ATG10: variants seen among roughly 807,000 people sequenced by gnomAD.
ATG10 encodes autophagy related 10.
Under a neutral mutation model 32.1 loss-of-function variants are expected in ATG10, and 30 were observed. The observed-to-expected ratio is 0.94, with a 90% CI of 0.70 to 1.27. The LOEUF (loss-of-function observed/expected upper bound fraction) is 1.27, where lower values mean the gene tolerates loss of function less well. Among genes scored for constraint, ATG10 ranks in the 50% most tolerant of loss-of-function variants. The pLI, the probability that ATG10 is intolerant of heterozygous loss-of-function variation, is 0.00. For synonymous variants in ATG10, 87 were observed against 91.5 expected (o/e 0.95, Z 0.28); for missense variants, 233 against 262.3 (o/e 0.89, Z 0.77).
chr5:82,085,551 A>T (rs1186190190), intron 3 of ATG10, among the ~76,000 whole-genome samples: 2 of 151,762 alleles, frequency 1.3e-5, no homozygotes, highest in African/African-American at 4.8e-5. Context: ...TGACAACATA[A>T]CGGGTGCAGC....
At chr5:81,984,298 G>A (rs1416030291) in intron 1 of ATG10, among the ~76,000 whole-genome samples, 5 of 152,250 alleles carry the variant, frequency 3.3e-5, no homozygotes, top group Non-Finnish European at 5.9e-5. Context: ...CTGGCGGCGC[G>A]CGCCTGCAAT....
intron 5 of ATG10, among the ~76,000 whole-genome samples, chr5:82,193,568 T>C (rs973955803): frequency 6.6e-6 from 1 of 152,164 alleles, no homozygotes; most frequent in Non-Finnish European, 1.5e-5. Context: ...TGGTAATCCA[T>C]GTAGAGGTTT....
chr5:82,067,513 TTAGA>T (rs1276813593), intron 3 of ATG10, among the ~76,000 whole-genome samples: 1 of 152,152 alleles, frequency 6.6e-6, no homozygotes, highest in Admixed American at 6.6e-5. Flanking sequence ...GCCAGGAGTC[TTAGA>T]TAGAGGCAGG....
chr5:82,099,685 A>G (rs1308879200), intron 3 of ATG10, among the ~76,000 whole-genome samples: 2 of 152,192 alleles, frequency 1.3e-5, no homozygotes, highest in African/African-American at 4.8e-5. Flanking sequence ...AATTTAGCAT[A>G]GTATTACACT....
intron 5 of ATG10, among the ~76,000 whole-genome samples, chr5:82,199,936 G>T (rs919576626): frequency 6.6e-6 from 1 of 152,050 alleles, no homozygotes; most frequent in Admixed American, 6.6e-5. Context: ...TATATTTGAG[G>T]TTCATTTATG....
intron 3 of ATG10, among the ~76,000 whole-genome samples, chr5:82,112,521 ATT>A (rs1434294290): frequency 6.6e-6 from 1 of 151,798 alleles, no homozygotes; most frequent in Non-Finnish European, 1.5e-5. Flanking sequence ...TCAAAATTCT[ATT>A]TGTTAATTTT....
At chr5:82,068,614 T>C (rs1366230948) in intron 3 of ATG10, among the ~76,000 whole-genome samples, 1 of 150,460 alleles carries the variant, frequency 6.6e-6, no homozygotes, top group Non-Finnish European at 1.5e-5. Context: ...TTTCAAACTT[T>C]AGGTGGCTCT....
chr5:82,090,545 T>G (rs1764847476), intron 3 of ATG10, among the ~76,000 whole-genome samples: 2 of 152,222 alleles, frequency 1.3e-5, no homozygotes, highest in African/African-American at 4.8e-5. Flanking sequence ...TATAACATTT[T>G]TAACATTATA....
At chr5:82,155,261 C>G (rs1353977176) in intron 3 of ATG10, among the ~76,000 whole-genome samples, 1 of 151,930 alleles carries the variant, frequency 6.6e-6, no homozygotes, top group South Asian at 2.1e-4. Context: ...TTTCTTAGAC[C>G]CTTGGAAATG....
At chr5:82,085,166 A>G (rs997251559) in intron 3 of ATG10, among the ~76,000 whole-genome samples, 4 of 152,114 alleles carry the variant, frequency 2.6e-5, no homozygotes, top group Non-Finnish European at 4.4e-5. Context: ...AACAAAAAAA[A>G]GCAGGGGTTG....
intron 2 of ATG10, among the ~76,000 whole-genome samples, chr5:82,054,816 C>G (rs976890566): frequency 2.0e-5 from 3 of 152,084 alleles, no homozygotes; most frequent in African/African-American, 7.2e-5. Context: ...GGATGGAGGC[C>G]TAGGCCCTGA....
intron 3 of ATG10, among the ~76,000 whole-genome samples, chr5:82,161,696 A>ACACACAC (rs1743351306): frequency 1.3e-4 from 17 of 129,726 alleles, no homozygotes; most frequent in African/African-American, 4.9e-4. Context: ...TTAGAGAATA[A>ACACACAC]ACACACACAC....
At chr5:82,155,305 A>G (rs1767760050) in intron 3 of ATG10, among the ~76,000 whole-genome samples, 1 of 152,226 alleles carries the variant, frequency 6.6e-6, no homozygotes, top group African/African-American at 2.4e-5. Flanking sequence ...AAAAAATGGA[A>G]AGGGGAAAGA....
rs183699570 is a variant in ATG10 at position 81,997,363 on chromosome 5, C to T, written c.108+9685C>T. The stretch of plus-strand genomic sequence containing the variant: ...TACCCAACCCCTCAGAATTAGAGCA[C>T]ACAGCTCAGGAGGGCTGAGGTGAGC... On this transcript the variant is annotated intron_variant, in intron 2 of 7. Coordinates refer to ENST00000282185, the MANE Select transcript of ATG10 (RefSeq NM_031482.5). 1.6e-3 allele frequency among the ~76,000 whole-genome samples: 238 copies of T among 152,278 alleles called. 1 individual carries two copies. Among genetic ancestry groups the T allele is most frequent in the African/African-American group, 5.3e-3 (222 of 41,562 alleles).
At chr5:82,079,473 C>T (rs1324137134) in intron 3 of ATG10, among the ~76,000 whole-genome samples, 8 of 151,928 alleles carry the variant, frequency 5.3e-5, no homozygotes, top group Admixed American at 5.2e-4. Flanking sequence ...CCCATTAACT[C>T]ATCATTTACA....
chr5:82,074,398 T>C (rs1025824297), intron 3 of ATG10, among the ~76,000 whole-genome samples: 1 of 152,156 alleles, frequency 6.6e-6, no homozygotes, highest in African/African-American at 2.4e-5. Context: ...TATGTTATAG[T>C]TTTTACAACT....
intron 1 of ATG10, among the ~76,000 whole-genome samples, chr5:81,976,662 C>T (rs1477915222): frequency 6.6e-6 from 1 of 152,138 alleles, no homozygotes; most frequent in East Asian, 1.9e-4. Context: ...CTTCAAAAGC[C>T]TTCTAACTGT....
At chr5:82,065,292 G>A (rs1763907109) in intron 3 of ATG10, among the ~76,000 whole-genome samples, 1 of 152,068 alleles carries the variant, frequency 6.6e-6, no homozygotes, top group African/African-American at 2.4e-5. Flanking sequence ...TTTGAGACCA[G>A]CCTGGCCAAC....
At chr5:82,210,378 T>G (rs1203103489) in intron 5 of ATG10, among the ~76,000 whole-genome samples, 3 of 152,214 alleles carry the variant, frequency 2.0e-5, no homozygotes. Flanking sequence ...GTTTCCAAGT[T>G]GGGTTTCAGT....
Sources: gnomAD v4.1 joint callset for allele counts (sites outside exome capture counted in the v4.1 genomes callset) on GRCh38, gnomAD v4.1.1 for gene constraint, MANE v1.5 for transcripts, NCBI Gene and HGNC (gene_info 2026-07-23, HGNC 2026-07-21) for gene names.